RERGL: variants seen among roughly 807,000 people sequenced by gnomAD.
RERGL encodes ras-related and estrogen-regulated growth inhibitor-like protein.
RERGL carries 22 observed loss-of-function variants against 24.7 expected under a neutral mutation model. The observed-to-expected ratio is 0.89, with a 90% confidence interval of 0.64 to 1.27. RERGL has a LOEUF of 1.27. Ranked by LOEUF, RERGL falls within the 50% of genes most tolerant of loss-of-function variation. The probability of loss-of-function intolerance (pLI) is 0.00; values close to 1 mark genes in which losing one functional copy is unlikely to be tolerated. For synonymous variants in RERGL, 76 were observed against 82.6 expected (o/e 0.92, Z 0.43); for missense variants, 259 against 235.3 (o/e 1.10, Z -0.66).
rs138812796 is a variant in RERGL at position 18,084,596 on chromosome 12, T to C, written c.253A>G (p.Ile85Val). The C allele has an allele frequency of 9.6e-5, 155 of 1,613,308 alleles. No individual in the cohort carries two copies. In the African/African-American group the frequency reaches 1.8e-3, roughly 18 times the overall value. The change falls in exon 4 of 5, where the codon ATC becomes GTC. Residue 85 changes from isoleucine (I) to valine (V), a missense_variant. Ile to Val is a conservative substitution (Grantham distance 29). Coordinates refer to ENST00000538724, the MANE Select transcript of RERGL (RefSeq NM_001286201.2). ...WADGFVIVYD[I>V]SDRSSFAFAK... Reference sequence around the variant, plus strand: ...AAAGCAAATGAAGACCTATCACTGATGTCATACACAATAACAAACCCATCT... The same window carrying C: ...AAAGCAAATGAAGACCTATCACTGACGTCATACACAATAACAAACCCATCT...
At chr12:18,087,643 G>A (rs1947232765) in intron 2 of RERGL, among the ~76,000 whole-genome samples, 1 of 152,102 alleles carries the variant, frequency 6.6e-6, no homozygotes, top group Admixed American at 6.6e-5. Flanking sequence ...TCATCGAGAG[G>A]TAACAGCCAG....
At chr12:18,083,192 A>T (rs1174509811) in intron 4 of RERGL, among the ~76,000 whole-genome samples, 3 of 152,140 alleles carry the variant, frequency 2.0e-5, no homozygotes, top group East Asian at 1.9e-4. Flanking sequence ...TGGGACACAA[A>T]TATCAGATAT....
At position 18,084,678 on chromosome 12, in the gene RERGL, C is replaced by G; in HGVS notation, c.184-13G>C. ...TTGCTTTCTGTGTCTGAAAATAAAC[C>G]AAGTGCATTAAAAGTGGTGGGATCT... On this transcript the variant is annotated splice_polypyrimidine_tract_variant and intron_variant, in intron 3 of 4. Transcript: ENST00000538724. 6.2e-7 allele frequency: 1 copy of G among 1,604,682 alleles called. No individual in the cohort carries two copies. Among genetic ancestry groups the G allele is most frequent in the South Asian group, 1.1e-5 (1 of 89,480 alleles).
intron 1 of RERGL, chr12:18,089,206 C>T (rs746621067): frequency 6.3e-6 from 10 of 1,594,188 alleles, no homozygotes; most frequent in Non-Finnish European, 8.5e-6. Context: ...AATTCATTAC[C>T]ACAAAAACAT....
At chr12:18,087,018 T>C (rs1043197380) in intron 2 of RERGL, among the ~76,000 whole-genome samples, 2 of 152,224 alleles carry the variant, frequency 1.3e-5, no homozygotes, top group African/African-American at 4.8e-5. Context: ...CACATATTTA[T>C]TCTAAAATTC....
intron 4 of RERGL, among the ~76,000 whole-genome samples, chr12:18,082,143 CAAAAAA>C (rs529778796): frequency 3.3e-5 from 4 of 121,072 alleles, no homozygotes; most frequent in Non-Finnish European, 5.3e-5. Context: ...TTGTCTCAAC[CAAAAAA>C]AAAAAAAAAA....
Position 18,081,516 on chromosome 12 carries a change from ACT to A in RERGL, c.333-45_333-44del, listed in dbSNP as rs751513172. On this transcript the variant is annotated intron_variant, in intron 4 of 4. Coordinates refer to ENST00000538724, the MANE Select transcript of RERGL (RefSeq NM_001286201.2). ...AATTTTTAGCAAGATTGTTTTAACA[ACT>A]CTTTTTTTTAAAAAAAAAAAAAAAA... 4.7e-5 allele frequency: 64 copies of A among 1,374,986 alleles called. 1 individual carries two copies. Among genetic ancestry groups the A allele is most frequent in the South Asian group, 3.1e-4 (18 of 57,834 alleles). 85.2% of individuals were successfully genotyped at this position (1,374,986 alleles called of 1,614,324 possible).
chr12:18,086,024 A>ATTTTTTTTTTTTT (rs577015041), intron 2 of RERGL, among the ~76,000 whole-genome samples: 5 of 125,088 alleles, frequency 4.0e-5, no homozygotes, highest in African/African-American at 9.4e-5. Context: ...CGCCTGGCCA[A>ATTTTTTTTTTTTT]TTTTTTTTTT....
At position 18,081,174 on chromosome 12, in the gene RERGL, C is replaced by T. The variant is rs71461087; in HGVS notation, c.*17G>A. On this transcript the variant is annotated 3_prime_UTR_variant, in exon 5 of 5. Coordinates refer to ENST00000538724, the MANE Select transcript of RERGL (RefSeq NM_001286201.2). The stretch of plus-strand genomic sequence containing the variant: ...GAAACTCTCTGATATAGGAAATCTC[C>T]CAGGATTACCTGTCTACTAAACAGA... 8.0e-3 allele frequency: 12,649 copies of T among 1,573,422 alleles called. 77 individuals carry two copies. The highest frequency in any genetic ancestry group is 0.01 in the Middle Eastern group (61 of 5,854).
intron 4 of RERGL, among the ~76,000 whole-genome samples, chr12:18,082,166 G>C (rs1175645523): frequency 6.7e-6 from 1 of 149,402 alleles, no homozygotes; most frequent in Non-Finnish European, 1.5e-5. Flanking sequence ...AAAAGAATGA[G>C]AGCATGCCCT....
At chr12:18,085,284 T>C (rs890964855) in intron 3 of RERGL, among the ~76,000 whole-genome samples, 21 of 152,284 alleles carry the variant, frequency 1.4e-4, no homozygotes, top group African/African-American at 5.1e-4. Flanking sequence ...TAAGTGCAAT[T>C]AGTGAAAATA....
At chr12:18,089,099 A>C (rs1162716951) in intron 1 of RERGL, 143 bp from the exon 2 acceptor site, 1 of 1,101,526 alleles carries the variant, frequency 9.1e-7, no homozygotes, top group Non-Finnish European at 1.3e-6. Flanking sequence ...TCTGTTCTAA[A>C]TAGTAGTTAA....
intron 2 of RERGL, among the ~76,000 whole-genome samples, 170 bp from the exon 3 acceptor site, chr12:18,085,863 T>TG (rs1250821611): frequency 3.8e-5 from 4 of 104,046 alleles, no homozygotes; most frequent in Non-Finnish European, 8.0e-5. Context: ...TTTTTTTTTT[T>TG]TTTTTTGAGC....
intron 3 of RERGL, 76 bp downstream of exon 3, chr12:18,085,544 T>A: frequency 3.0e-6 from 3 of 1,002,538 alleles, no homozygotes. Context: ...CTTACCCCCA[T>A]ATAATCTTCA....
At chr12:18,086,729 C>T (rs1947225612) in intron 2 of RERGL, among the ~76,000 whole-genome samples, 1 of 152,092 alleles carries the variant, frequency 6.6e-6, no homozygotes, top group African/African-American at 2.4e-5. Flanking sequence ...TCTTCTAGTC[C>T]CAGGCCTTTA....
chr12:18,086,024 ATTTTTTTT>A (rs577015041), intron 2 of RERGL, among the ~76,000 whole-genome samples: 3 of 125,082 alleles, frequency 2.4e-5, no homozygotes, highest in African/African-American at 6.3e-5. Context: ...CGCCTGGCCA[ATTTTTTTT>A]TTTTTTTTTT....
Position 18,084,655 on chromosome 12 carries a change from G to A in RERGL, c.194C>T (p.Ala65Val), listed in dbSNP as rs370000063. 7 of 1,608,072 alleles carry A rather than the reference G, an allele frequency of 4.4e-6. No homozygotes were observed. The African/African-American group carries it at 5.4e-5, about 12-fold the overall frequency. Reference sequence around the variant, plus strand: ...AAGCTCACTTGTGAGGGAGAATTTTGCTTTCTGTGTCTGAAAATAAACCAA... The same window carrying A: ...AAGCTCACTTGTGAGGGAGAATTTTACTTTCTGTGTCTGAAAATAAACCAA... ...IYDPCSQTQK[A>V]KFSLTSELHW... Residue 65 changes from alanine to valine, a missense_variant, in exon 4 of 5, where the codon GCA (alanine) becomes GTA (valine). Ala to Val is a moderately conservative substitution (Grantham distance 64). Transcript: ENST00000538724.
intron 2 of RERGL, among the ~76,000 whole-genome samples, chr12:18,087,569 T>A (rs1397575892): frequency 6.6e-6 from 1 of 152,206 alleles, no homozygotes; most frequent in Admixed American, 6.5e-5. Context: ...TTTGCCCTCA[T>A]AGAGTTAATG....
At chr12:18,086,024 ATT>A (rs577015041) in intron 2 of RERGL, among the ~76,000 whole-genome samples, 5,539 of 124,938 alleles carry the variant, frequency 0.044, 78 homozygotes, top group Non-Finnish European at 0.06. Flanking sequence ...CGCCTGGCCA[ATT>A]TTTTTTTTTT....
Sources: gnomAD v4.1 joint callset for allele counts (sites outside exome capture counted in the v4.1 genomes callset) on GRCh38, gnomAD v4.1.1 for gene constraint, MANE v1.5 for transcripts, NCBI Gene and HGNC (gene_info 2026-07-23, HGNC 2026-07-21) for gene names.